Variants in TAB2 observed in about 807,000 individuals in gnomAD.
TAB2 encodes TGF-beta activated kinase 1 (MAP3K7) binding protein 2.
A neutral mutation model predicts 65.0 loss-of-function variants in TAB2; 3 were observed. The ratio of observed to expected loss-of-function variants is 0.05; its 90% CI spans 0.02 to 0.12. The LOEUF (loss-of-function observed/expected upper bound fraction) is 0.12, where lower values mean the gene tolerates loss of function less well. TAB2 is among the 10% of genes least tolerant of loss of function. TAB2 has a pLI of 1.00. For missense variants in TAB2, 623 were observed against 840.3 expected, an observed-to-expected ratio of 0.74 and a Z score of 3.20; for synonymous variants, 298 against 285.1, an observed-to-expected ratio of 1.05 and a Z score of -0.46.
chr6:149,320,110 T>C (rs982316625), intron 1 of TAB2, among the ~76,000 whole-genome samples: 1 of 152,204 alleles, frequency 6.6e-6, no homozygotes, highest in African/African-American at 2.4e-5. Flanking sequence ...ACAGTCTCGC[T>C]CTGTCACCCA....
chr6:149,275,836 C>T (rs193104796), intron 1 of TAB2, among the ~76,000 whole-genome samples: 1 of 152,230 alleles, frequency 6.6e-6, no homozygotes, highest in East Asian at 1.9e-4. Context: ...AAACAAATTC[C>T]AACAGTGGGA....
chr6:149,359,315 C>T (rs373764079), intron 1 of TAB2, among the ~76,000 whole-genome samples: 1 of 152,198 alleles, frequency 6.6e-6, no homozygotes, highest in Non-Finnish European at 1.5e-5. Context: ...GTATCACCAG[C>T]CTCAGACCAA....
At chr6:149,306,641 ACTTGG>A (rs1236143476) in intron 1 of TAB2, among the ~76,000 whole-genome samples, 1 of 152,056 alleles carries the variant, frequency 6.6e-6, no homozygotes, top group Non-Finnish European at 1.5e-5. Flanking sequence ...AGTCCCAGCT[ACTTGG>A]AAAGCTGAGG....
chr6:149,308,147 T>C (rs577334316), intron 1 of TAB2, among the ~76,000 whole-genome samples: 17 of 152,348 alleles, frequency 1.1e-4, no homozygotes, highest in African/African-American at 4.1e-4. Context: ...TTTCTATTTT[T>C]TTACTATTAT....
At chr6:149,346,941 A>G (rs1032954139) in intron 1 of TAB2, among the ~76,000 whole-genome samples, 12 of 152,162 alleles carry the variant, frequency 7.9e-5, no homozygotes, top group Admixed American at 1.3e-4. Context: ...CCTTTTACCC[A>G]TAAATAGGAA....
At chr6:149,234,091 T>C (rs1164965151) in intron 1 of TAB2, among the ~76,000 whole-genome samples, 1 of 152,322 alleles carries the variant, frequency 6.6e-6, no homozygotes, top group Middle Eastern at 3.4e-3. Flanking sequence ...TTCAACCAAG[T>C]CTTTAAGAAC....
At chr6:149,264,063 G>A (rs12660316) in intron 1 of TAB2, among the ~76,000 whole-genome samples, 25,896 of 152,234 alleles carry the variant, frequency 0.17, 2,327 homozygotes, top group Admixed American at 0.23. Flanking sequence ...ATTCAGAGAC[G>A]CACAGGCAGG....
intron 1 of TAB2, among the ~76,000 whole-genome samples, chr6:149,282,988 A>G (rs79838679): frequency 6.6e-5 from 10 of 152,206 alleles, no homozygotes; most frequent in Non-Finnish European, 1.5e-4. Context: ...TTAATTCTTT[A>G]AACCTTTCAC....
chr6:149,387,697 T>A (rs1001823749), intron 3 of TAB2, among the ~76,000 whole-genome samples: 1 of 152,202 alleles, frequency 6.6e-6, no homozygotes, highest in Non-Finnish European at 1.5e-5. Context: ...CTTGCTTTTT[T>A]AAAAAACTGA....
intron 3 of TAB2, among the ~76,000 whole-genome samples, chr6:149,389,256 A>G (rs1781902906): frequency 6.6e-6 from 1 of 151,536 alleles, no homozygotes; most frequent in African/African-American, 2.4e-5. Flanking sequence ...ACCCAGCCCC[A>G]GAAATCTTAC....
chr6:149,371,377 C>T (rs941176048), intron 2 of TAB2, among the ~76,000 whole-genome samples: 9 of 152,128 alleles, frequency 5.9e-5, no homozygotes. Flanking sequence ...CTAGGGCATA[C>T]AAGGTCTGTG....
chr6:149,374,872 A>C (rs1162114044), intron 2 of TAB2, among the ~76,000 whole-genome samples: 2 of 152,230 alleles, frequency 1.3e-5, no homozygotes, highest in African/African-American at 2.4e-5. Flanking sequence ...AAGTTTTCTC[A>C]ACAAACAAAT....
intron 1 of TAB2, among the ~76,000 whole-genome samples, chr6:149,358,530 G>A (rs747455394): frequency 2.0e-5 from 3 of 151,850 alleles, no homozygotes; most frequent in Non-Finnish European, 4.4e-5. Context: ...GTAGATTATG[G>A]CTCTTTTCTC....
chr6:149,387,224 A>G (rs1659397323), intron 3 of TAB2, among the ~76,000 whole-genome samples: 2 of 152,198 alleles, frequency 1.3e-5, no homozygotes, highest in African/African-American at 4.8e-5. Context: ...CCTAAGAGTT[A>G]TATAATATTA....
intron 6 of TAB2, chr6:149,400,265 G>T (rs1782327909): frequency 5.7e-6 from 6 of 1,046,436 alleles, no homozygotes; most frequent in Non-Finnish European, 8.2e-6. Flanking sequence ...CCCAGGATGT[G>T]CACGCACCCT....
At chr6:149,280,488 GA>G (rs1416985420) in intron 1 of TAB2, among the ~76,000 whole-genome samples, 4 of 152,104 alleles carry the variant, frequency 2.6e-5, no homozygotes, top group Non-Finnish European at 5.9e-5. Flanking sequence ...TTCTCAAATA[GA>G]ATAACGCTGA....
chr6:149,280,376 T>C (rs890867139), intron 1 of TAB2, among the ~76,000 whole-genome samples: 1 of 152,182 alleles, frequency 6.6e-6, no homozygotes, highest in Non-Finnish European at 1.5e-5. Flanking sequence ...GTCAGAGTGA[T>C]CTTTCTAAGG....
intron 3 of TAB2, among the ~76,000 whole-genome samples, chr6:149,383,313 T>C (rs1781680265): frequency 6.6e-6 from 1 of 152,202 alleles, no homozygotes; most frequent in Non-Finnish European, 1.5e-5. Flanking sequence ...AATTAAAGCC[T>C]ACCAAGAAAG....
intron 5 of TAB2, 114 bp from the exon 6 acceptor site, chr6:149,398,990 A>T: frequency 1.1e-6 from 1 of 902,494 alleles, no homozygotes; most frequent in Non-Finnish European, 1.7e-6. Flanking sequence ...GGGGCAAAAT[A>T]AATGAAAAGC....
Sources: allele counts gnomAD v4.1 joint callset (sites outside exome capture counted in the v4.1 genomes callset), GRCh38; gene constraint gnomAD v4.1.1; transcripts MANE v1.5; gene names NCBI Gene and HGNC (gene_info 2026-07-23, HGNC 2026-07-21).